DRC9: variants seen among roughly 807,000 people sequenced by gnomAD.
DRC9 encodes dynein regulatory complex protein 9.
the DRC9 span, among the ~76,000 whole-genome samples, chr3:197,922,808 C>T: frequency 2.6e-5 from 4 of 151,840 alleles, no homozygotes; most frequent in African/African-American, 9.6e-5. Context: ...TCAAAAGATT[C>T]ATGACTTTTA....
the DRC9 span, chr3:197,943,892 C>G: frequency 6.2e-7 from 1 of 1,614,142 alleles, no homozygotes; most frequent in Non-Finnish European, 8.5e-7. Flanking sequence ...CTGGAAGGGA[C>G]AGTGGCTCTA....
the DRC9 span, chr3:197,912,592 C>G: frequency 1.0e-6 from 1 of 985,328 alleles, no homozygotes; most frequent in Admixed American, 2.1e-5. Flanking sequence ...GGTTGGTTTT[C>G]CTTCAAAATA....
At chr3:197,913,632 G>GGA in the DRC9 span, 1 of 593,940 alleles carries the variant, frequency 1.7e-6, no homozygotes, top group Middle Eastern at 4.5e-4. Context: ...AAGTGACCAA[G>GGA]GAGAGAAAGT....
the DRC9 span, among the ~76,000 whole-genome samples, chr3:197,899,920 T>G: frequency 1.3e-5 from 2 of 152,164 alleles, no homozygotes; most frequent in East Asian, 3.9e-4. Context: ...CTCCACCCCC[T>G]GGCAGCAGCC....
the DRC9 span, among the ~76,000 whole-genome samples, chr3:197,900,666 C>G: frequency 6.6e-6 from 1 of 151,890 alleles, no homozygotes. The surrounding 1 kb of genome is among the most constrained non-coding windows in gnomAD (Gnocchi z 4.7). Flanking sequence ...AGGATACCAG[C>G]TCAGCCACAG....
chr3:197,927,285 G>A, the DRC9 span, among the ~76,000 whole-genome samples: 1 of 152,272 alleles, frequency 6.6e-6, no homozygotes, highest in African/African-American at 2.4e-5. Context: ...GGAGTGCAGT[G>A]GCACGATCTC....
chr3:197,904,106 A>T, the DRC9 span, among the ~76,000 whole-genome samples: 67 of 26,078 alleles, frequency 2.6e-3, no homozygotes, highest in South Asian at 7.7e-3. Context: ...ATATATATAT[A>T]TATATTTTTT....
the DRC9 span, among the ~76,000 whole-genome samples, chr3:197,933,040 AC>A: frequency 7.6e-6 from 1 of 130,858 alleles, no homozygotes. Context: ...TATATATTAT[AC>A]ATATATATAA....
the DRC9 span, among the ~76,000 whole-genome samples, chr3:197,900,539 C>T: frequency 7.2e-6 from 1 of 139,634 alleles, no homozygotes; most frequent in African/African-American, 2.8e-5. This position sits in a 1 kb window ranked among gnomAD's most constrained non-coding sequence, Gnocchi z 4.7. Context: ...GCAGAGGACA[C>T]CAGCTCAGCC....
At chr3:197,923,032 T>C in the DRC9 span, among the ~76,000 whole-genome samples, 5 of 152,200 alleles carry the variant, frequency 3.3e-5, no homozygotes, top group African/African-American at 4.8e-5. Context: ...TAGAGCTACC[T>C]AAGGTGCTTT....
the DRC9 span, among the ~76,000 whole-genome samples, chr3:197,900,511 A>G: frequency 7.1e-6 from 1 of 139,946 alleles, no homozygotes. This position sits in a 1 kb window ranked among gnomAD's most constrained non-coding sequence, Gnocchi z 4.7. Flanking sequence ...GCTCAGCCAC[A>G]GCAGAACAGG....
the DRC9 span, among the ~76,000 whole-genome samples, chr3:197,914,379 A>T: frequency 6.6e-6 from 1 of 152,232 alleles, no homozygotes; most frequent in African/African-American, 2.4e-5. Flanking sequence ...CCAGGCCTCC[A>T]GCTGTGTGAA....
chr3:197,956,646 C>G, the DRC9 span: 1 of 127,456 alleles, frequency 7.8e-6, no homozygotes, highest in African/African-American at 3.2e-5. Context: ...TTTTTGAAGA[C>G]AAGGTCTTGT....
At chr3:197,931,040 G>GA in the DRC9 span, among the ~76,000 whole-genome samples, 191 of 128,600 alleles carry the variant, frequency 1.5e-3, 1 homozygote, top group African/African-American at 4.6e-3. Context: ...CTCAAAAAAA[G>GA]AAAAAAAAAA....
chr3:197,952,961 C>A, the DRC9 span, among the ~76,000 whole-genome samples: 1 of 151,338 alleles, frequency 6.6e-6, no homozygotes, highest in East Asian at 1.9e-4. Context: ...CCACCACACC[C>A]GGCTAACTTT....
the DRC9 span, chr3:197,951,042 A>C: frequency 4.4e-5 from 71 of 1,604,630 alleles, no homozygotes; most frequent in Non-Finnish European, 6.1e-5. Flanking sequence ...TGCGAGCTTA[A>C]AATTGGCAAG....
the DRC9 span, among the ~76,000 whole-genome samples, chr3:197,895,887 A>G: frequency 6.6e-6 from 1 of 150,964 alleles, no homozygotes; most frequent in East Asian, 1.9e-4. Flanking sequence ...AGGCAAGAGG[A>G]TCACTTGAGC....
the DRC9 span, among the ~76,000 whole-genome samples, chr3:197,925,587 GTTT>G: frequency 1.6e-5 from 2 of 127,540 alleles, no homozygotes; most frequent in Admixed American, 7.9e-5. Flanking sequence ...TATATCTTCT[GTTT>G]TTTTTTTTTT....
the DRC9 span, chr3:197,950,744 C>G: frequency 1.7e-6 from 1 of 603,860 alleles, no homozygotes; most frequent in South Asian, 2.1e-5. Context: ...TGCTTAGATA[C>G]CAGCTGTTCT....
Sources: allele counts gnomAD v4.1 joint callset (sites outside exome capture counted in the v4.1 genomes callset), GRCh38; gene constraint gnomAD v4.1.1; non-coding constraint Gnocchi (gnomAD v3.1); transcripts MANE v1.5; gene names NCBI Gene and HGNC (gene_info 2026-07-23, HGNC 2026-07-21).